DLGAP2: variants seen among roughly 807,000 people sequenced by gnomAD.
DLGAP2 encodes the protein disks large-associated protein 2.
DLGAP2 carries 26 observed loss-of-function variants against 100.3 expected under a neutral mutation model. The observed-to-expected ratio is 0.26, with a 90% CI of 0.19 to 0.36. The LOEUF (loss-of-function observed/expected upper bound fraction) is 0.36. Ranked by LOEUF, DLGAP2 falls within the 10% of genes least tolerant of loss-of-function variation. DLGAP2 has a pLI of 1.00. For synonymous variants in DLGAP2, 886 were observed against 630.1 expected (o/e 1.41, Z -6.08); for missense variants, 1,858 against 1,453.2 (o/e 1.28, Z -4.53).
rs1365200656 is a variant in DLGAP2, at chr8:1,704,081, G to C, written c.*2675G>C. 6.6e-6 allele frequency: 1 copy of C among 152,604 alleles called. No homozygotes were observed. The highest frequency in any genetic ancestry group is 1.9e-4 in the East Asian group (1 of 5,200). The allele number at this position is 152,604 out of a possible 1,614,324, so 9.5% of individuals were successfully genotyped here. Reference sequence around the variant, plus strand: ...TAAGCCATGTTTCTGTATTGTACATGTAAAGAAAAATAAAACTGTTTATGA... The same window carrying C: ...TAAGCCATGTTTCTGTATTGTACATCTAAAGAAAAATAAAACTGTTTATGA... On this transcript the variant is annotated 3_prime_UTR_variant, in exon 15 of 15. Transcript: ENST00000637795.
intron 4 of DLGAP2, among the ~76,000 whole-genome samples, chr8:1,508,889 A>C (rs1285193980): frequency 6.6e-6 from 1 of 151,996 alleles, no homozygotes; most frequent in African/African-American, 2.4e-5. Context: ...TTAAGGATCT[A>C]ATATTGCCAC....
intron 3 of DLGAP2, among the ~76,000 whole-genome samples, chr8:1,287,515 C>G (rs1190692731): frequency 1.5e-5 from 1 of 64,982 alleles, no homozygotes; most frequent in Non-Finnish European, 2.6e-5. Flanking sequence ...AGGAGGGGAA[C>G]TAGTTTTGGT....
At position 1,521,344 on chromosome 8, in the gene DLGAP2, C is replaced by T. The variant is rs367965812; in HGVS notation, c.172+19913C>T. ...TACTCGGGCGGCAGGTGATATGGGG[C>T]ATCTGGTTTGCACACTTGTTTTAAT... is the stretch of plus-strand genomic sequence containing the variant. On this transcript the variant is annotated intron_variant, in intron 4 of 14. Coordinates refer to ENST00000637795, the MANE Select transcript of DLGAP2 (RefSeq NM_001346810.2). Among the ~76,000 whole-genome samples, 12 of 58,554 alleles carry T rather than the reference C, an allele frequency of 2.0e-4. 2 individuals are homozygous for T. In the South Asian group the frequency reaches 6.8e-3, roughly 33 times the overall value. The allele number at this position is 58,554 out of a possible 152,430, so 38.4% of individuals were successfully genotyped here.
intron 6 of DLGAP2, among the ~76,000 whole-genome samples, chr8:1,576,690 C>T (rs1802994120): frequency 6.6e-6 from 1 of 152,128 alleles, no homozygotes; most frequent in African/African-American, 2.4e-5. Context: ...TATGGCTAGC[C>T]AGTTTTCCCA....
At chr8:838,230 T>C (rs1401909400) in intron 1 of DLGAP2, among the ~76,000 whole-genome samples, 1 of 152,124 alleles carries the variant, frequency 6.6e-6, no homozygotes, top group Non-Finnish European at 1.5e-5. Flanking sequence ...AAGTTCTTAA[T>C]GTTTTTAAAA....
At chr8:1,197,809 C>T (rs1585143476) in intron 2 of DLGAP2, among the ~76,000 whole-genome samples, 1 of 152,230 alleles carries the variant, frequency 6.6e-6, no homozygotes, top group Non-Finnish European at 1.5e-5. Context: ...TTTTCATCTC[C>T]TGGGCCTCCT....
intron 1 of DLGAP2, among the ~76,000 whole-genome samples, chr8:892,208 C>T (rs148017331): frequency 2.6e-5 from 4 of 152,180 alleles, no homozygotes; most frequent in Non-Finnish European, 5.9e-5. Context: ...CTGAGTTGAT[C>T]CAAATGATAG....
At chr8:1,163,423 G>C (rs1386238457) in intron 2 of DLGAP2, among the ~76,000 whole-genome samples, 2 of 152,226 alleles carry the variant, frequency 1.3e-5, no homozygotes, top group African/African-American at 2.4e-5. Flanking sequence ...GCGAGGGGAG[G>C]CCTGTGTCCG....
chr8:1,138,273 C>T (rs1413470051), intron 2 of DLGAP2, among the ~76,000 whole-genome samples: 1 of 152,200 alleles, frequency 6.6e-6, no homozygotes, highest in African/African-American at 2.4e-5. Flanking sequence ...GCCTAGGTTT[C>T]CCCTGGGAGC....
chr8:1,697,102 C>T (rs1479569732), intron 13 of DLGAP2, 45 bp from the exon 14 acceptor site: 13 of 1,480,502 alleles, frequency 8.8e-6, no homozygotes, highest in African/African-American at 7.1e-5. Flanking sequence ...GCCCTGTGCC[C>T]GCAGGAGACT....
chr8:1,386,819 T>A (rs1169571481), intron 3 of DLGAP2, among the ~76,000 whole-genome samples: 1 of 152,156 alleles, frequency 6.6e-6, no homozygotes. Context: ...TGAATGGGTT[T>A]TACCATATTG....
intron 2 of DLGAP2, among the ~76,000 whole-genome samples, chr8:918,677 T>G (rs1195682148): frequency 1.3e-5 from 2 of 152,252 alleles, no homozygotes; most frequent in East Asian, 3.8e-4. Context: ...GACAATTGTG[T>G]TAACCCACCC....
chr8:1,177,044 A>G (rs1026336026), intron 2 of DLGAP2, among the ~76,000 whole-genome samples: 2 of 152,172 alleles, frequency 1.3e-5, no homozygotes, highest in African/African-American at 2.4e-5. Context: ...TCGCATTAAC[A>G]CTTCAAAAAA....
rs1400910305 is a variant in DLGAP2 at position 1,702,814 on chromosome 8, G to C, written c.*1408G>C. On this transcript the variant is annotated 3_prime_UTR_variant, in exon 15 of 15. Transcript: ENST00000637795. ...GATTTTTCCATGGGTTCCAGTTTCA[G>C]AGTTCTCATTATTACTCAAAGTAAA... The C allele has an allele frequency of 1.3e-5, 2 of 152,498 alleles. No individual in the cohort carries two copies. Among genetic ancestry groups the C allele is most frequent in the African/African-American group, 4.8e-5 (2 of 41,456 alleles). 9.4% of individuals were successfully genotyped at this position (152,498 alleles called of 1,614,324 possible). A position where few individuals can be genotyped will look rare whatever the true frequency, so the allele number is the denominator to read the frequency against.
chr8:834,281 C>A (rs1316754971), intron 1 of DLGAP2, among the ~76,000 whole-genome samples: 1 of 152,210 alleles, frequency 6.6e-6, no homozygotes, highest in Non-Finnish European at 1.5e-5. Flanking sequence ...CAGAGCCAGT[C>A]CTGTATGCCA....
At chr8:1,379,163 G>A (rs1244268169) in intron 3 of DLGAP2, among the ~76,000 whole-genome samples, 1 of 152,286 alleles carries the variant, frequency 6.6e-6, no homozygotes, top group African/African-American at 2.4e-5. Flanking sequence ...CTAGACTGTG[G>A]CACGTCAGCC....
At chr8:1,516,016 C>CATAA (rs1554488940) in intron 4 of DLGAP2, among the ~76,000 whole-genome samples, 2 of 81,980 alleles carry the variant, frequency 2.4e-5, no homozygotes, top group African/African-American at 1.2e-4. Context: ...TGAGTGAGTG[C>CATAA]ATGAATGAGT....
chr8:1,193,095 C>G (rs182317710), intron 2 of DLGAP2, among the ~76,000 whole-genome samples: 1 of 152,134 alleles, frequency 6.6e-6, no homozygotes, highest in East Asian at 1.9e-4. Flanking sequence ...GGGTTGCTTC[C>G]AAGTCTTTGC....
chr8:858,732 C>T (rs1191307430), intron 1 of DLGAP2, among the ~76,000 whole-genome samples: 2 of 147,084 alleles, frequency 1.4e-5, no homozygotes, highest in African/African-American at 2.5e-5. Flanking sequence ...TCACCGTGGG[C>T]ACATGTATGA....
Sources: gnomAD v4.1 joint callset for allele counts (sites outside exome capture counted in the v4.1 genomes callset) on GRCh38, gnomAD v4.1.1 for gene constraint, MANE v1.5 for transcripts, NCBI Gene and HGNC (gene_info 2026-07-23, HGNC 2026-07-21) for gene names.